Variants in ABI1 observed in about 807,000 individuals in gnomAD.
ABI1 encodes Abelson interactor 1.
Under a neutral mutation model 54.6 loss-of-function variants are expected in ABI1, and 14 were observed. The observed-to-expected ratio is 0.26, with a 90% CI of 0.17 to 0.40. ABI1 has a LOEUF of 0.40. ABI1 is among the 10% of genes least tolerant of loss of function. ABI1 has a pLI of 1.00. For synonymous variants in ABI1, 194 were observed against 209.3 expected, an observed-to-expected ratio of 0.93 and a Z score of 0.63; for missense variants, 443 against 598.3, an observed-to-expected ratio of 0.74 and a Z score of 2.71.
intron 2 of ABI1, among the ~76,000 whole-genome samples, chr10:26,822,068 T>G (rs533644228): frequency 6.6e-6 from 1 of 152,150 alleles, no homozygotes; most frequent in Non-Finnish European, 1.5e-5. Flanking sequence ...ACAAAGGCAT[T>G]ACAAGAAAAC....
intron 2 of ABI1, among the ~76,000 whole-genome samples, chr10:26,783,891 C>G (rs536926528): frequency 4.6e-5 from 7 of 152,182 alleles, no homozygotes; most frequent in Admixed American, 4.6e-4. Context: ...ATAAAAGGGC[C>G]CTTTGTCACT....
chr10:26,817,445 C>G (rs2047648374), intron 2 of ABI1, among the ~76,000 whole-genome samples: 1 of 152,110 alleles, frequency 6.6e-6, no homozygotes, highest in South Asian at 2.1e-4. Context: ...TCAATTTTGT[C>G]CTAAAATCTA....
intron 1 of ABI1, among the ~76,000 whole-genome samples, chr10:26,848,605 CTTT>C (rs35694402): frequency 0.21 from 22,225 of 106,296 alleles, 1,040 homozygotes; most frequent in South Asian, 0.36. Context: ...TAAGAAGAGG[CTTT>C]TTTTTTTTTT....
chr10:26,790,051 T>C (rs1196466185), intron 2 of ABI1, among the ~76,000 whole-genome samples: 2 of 152,230 alleles, frequency 1.3e-5, no homozygotes, highest in African/African-American at 4.8e-5. Flanking sequence ...ACATTTAGAT[T>C]GATTCCGTCT....
At chr10:26,851,602 A>T (rs1305746108) in intron 1 of ABI1, among the ~76,000 whole-genome samples, 4 of 152,092 alleles carry the variant, frequency 2.6e-5, no homozygotes, top group Non-Finnish European at 5.9e-5. Flanking sequence ...GAAATGTTTC[A>T]ATTGTGAAAG....
intron 1 of ABI1, among the ~76,000 whole-genome samples, chr10:26,849,131 C>T (rs190200692): frequency 6.0e-4 from 91 of 152,180 alleles, no homozygotes; most frequent in African/African-American, 2.0e-3. Context: ...AGGGGGTCCA[C>T]GAGGTCTAAA....
At chr10:26,806,668 T>C (rs2046894821) in intron 2 of ABI1, among the ~76,000 whole-genome samples, 1 of 152,192 alleles carries the variant, frequency 6.6e-6, no homozygotes, top group Non-Finnish European at 1.5e-5. Context: ...AGTAAATTTA[T>C]ATTTAAGATA....
At chr10:26,851,178 G>A (rs2050357080) in intron 1 of ABI1, among the ~76,000 whole-genome samples, 1 of 151,880 alleles carries the variant, frequency 6.6e-6, no homozygotes, top group South Asian at 2.1e-4. Context: ...AAAAGTGGGA[G>A]ATGGAGGAAA....
At chr10:26,839,688 C>A in intron 1 of ABI1, 2 of 663,944 alleles carry the variant, frequency 3.0e-6, no homozygotes, top group Admixed American at 2.4e-5. Context: ...TGGTGGCTCA[C>A]ACCTGTAATC....
intron 7 of ABI1, among the ~76,000 whole-genome samples, chr10:26,761,218 G>A (rs536363090): frequency 6.6e-6 from 1 of 152,074 alleles, no homozygotes; most frequent in South Asian, 2.1e-4. Flanking sequence ...GATTACAGGT[G>A]TGAGTCACCA....
chr10:26,851,413 A>G (rs2050385517), intron 1 of ABI1, among the ~76,000 whole-genome samples: 1 of 136,880 alleles, frequency 7.3e-6, no homozygotes. Flanking sequence ...CTGATCTCAA[A>G]CTCCTGGGCT....
At chr10:26,791,082 A>C (rs1028140529) in intron 2 of ABI1, among the ~76,000 whole-genome samples, 29 of 151,456 alleles carry the variant, frequency 1.9e-4, no homozygotes, top group Non-Finnish European at 2.8e-4. Context: ...AAAAAAAAAA[A>C]AAAAAAAAAC....
chr10:26,860,371 G>A lies in ABI1; in HGVS notation c.117+376C>T, dbSNP rs1041180532. Among the ~76,000 whole-genome samples, 4 of 152,144 alleles carry A rather than the reference G, an allele frequency of 2.6e-5. No homozygotes were observed. The highest frequency in any genetic ancestry group is 1.9e-4 in the East Asian group (1 of 5,146). On this transcript the variant is annotated intron_variant, in intron 1 of 10. Transcript: ENST00000376140. The surrounding 1 kb of genome is among the most constrained non-coding windows in gnomAD (Gnocchi z 4.1). ...GAGAGGCGGCGCGGCGGCAGCTCGG[G>A]GGTATTCCGGGACTCCAGCCCTGCG...
intron 2 of ABI1, among the ~76,000 whole-genome samples, chr10:26,808,213 A>G (rs2046998004): frequency 1.3e-5 from 2 of 152,124 alleles, no homozygotes; most frequent in African/African-American, 4.8e-5. Flanking sequence ...TGTTTTTTAT[A>G]TTTTGTTCAG....
In ABI1 at chr10:26,746,792, A is replaced by C; in HGVS notation, c.*1778T>G. ...ACACAAATAAATAACCAATGTTAAAATTCAAATGGTTTGTCTTGATTTACC... is the reference window on the plus strand; with the variant it reads ...ACACAAATAAATAACCAATGTTAAACTTCAAATGGTTTGTCTTGATTTACC... On this transcript the variant is annotated 3_prime_UTR_variant, in exon 11 of 11. Transcript: ENST00000376140. 2.5e-6 allele frequency: 1 copy of C among 406,894 alleles called. No individual in the cohort carries two copies. The highest frequency in any genetic ancestry group is 4.6e-6 in the Non-Finnish European group (1 of 217,822). The allele number at this position is 406,894 out of a possible 1,614,324, so 25.2% of individuals were successfully genotyped here.
At chr10:26,791,907 TATA>T (rs1169048232) in intron 2 of ABI1, among the ~76,000 whole-genome samples, 1 of 152,166 alleles carries the variant, frequency 6.6e-6, no homozygotes, top group Non-Finnish European at 1.5e-5. Flanking sequence ...TTATACACTA[TATA>T]ATGAGAATGA....
intron 1 of ABI1, among the ~76,000 whole-genome samples, chr10:26,845,064 G>GAGA (rs1441197077): frequency 6.6e-6 from 1 of 151,814 alleles, no homozygotes; most frequent in East Asian, 1.9e-4. Flanking sequence ...GCAGTATGGG[G>GAGA]AGAAGAAGAA....
Position 26,832,452 on chromosome 10 carries a change from C to T in ABI1, c.118-9147G>A, listed in dbSNP as rs569811776. Reference sequence around the variant, plus strand: ...CAAAAAAATTAGCTGGGAATGGTGGCGGGCGCCTGTAGTCCCAACTACCTG... The same window carrying T: ...CAAAAAAATTAGCTGGGAATGGTGGTGGGCGCCTGTAGTCCCAACTACCTG... On this transcript the variant is annotated intron_variant, in intron 1 of 10. Coordinates refer to ENST00000376140, the MANE Select transcript of ABI1 (RefSeq NM_001012750.3). Among the ~76,000 whole-genome samples, 25 of 152,022 alleles carry T rather than the reference C, an allele frequency of 1.6e-4. No homozygotes were observed. In the East Asian group the frequency reaches 2.7e-3, roughly 16 times the overall value.
chr10:26,817,510 G>C (rs967952523), intron 2 of ABI1, among the ~76,000 whole-genome samples: 7 of 152,188 alleles, frequency 4.6e-5, no homozygotes, highest in African/African-American at 1.7e-4. Context: ...AATGGCACAT[G>C]TCCGTAGTCC....
Sources: allele counts gnomAD v4.1 joint callset (sites outside exome capture counted in the v4.1 genomes callset), GRCh38; gene constraint gnomAD v4.1.1; non-coding constraint Gnocchi (gnomAD v3.1); transcripts MANE v1.5; gene names NCBI Gene and HGNC (gene_info 2026-07-23, HGNC 2026-07-21).